Variants in TECPR2 observed in about 807,000 individuals in gnomAD.
The protein encoded by TECPR2 is tectonin beta-propeller repeat-containing protein 2.
A neutral mutation model predicts 138.1 loss-of-function variants in TECPR2; 65 were observed. The observed-to-expected ratio is 0.47, with a 90% CI of 0.39 to 0.58. The LOEUF (loss-of-function observed/expected upper bound fraction) is 0.58, where lower values mean the gene tolerates loss of function less well. Among genes scored for constraint, TECPR2 ranks in the 20% least tolerant of loss-of-function variants. The probability of loss-of-function intolerance (pLI) is 0.00; values close to 1 mark genes in which losing one functional copy is unlikely to be tolerated. For synonymous variants in TECPR2, 746 were observed against 749.8 expected (o/e 0.99, Z 0.08); for missense variants, 1,553 against 1,824.5 (o/e 0.85, Z 2.71).
intron 16 of TECPR2, among the ~76,000 whole-genome samples, chr14:102,458,993 AAT>A (rs1890342575): frequency 6.9e-6 from 1 of 145,270 alleles, no homozygotes; most frequent in Non-Finnish European, 1.5e-5. Context: ...ATATATATGT[AAT>A]TTTAGTTTGA....
At position 102,497,115 on chromosome 14, in the gene TECPR2, T is replaced by TGCCAGGTAGGAGCCTGC. The variant is rs767823046; in HGVS notation, c.3927_3931+12dup. 4 of 1,610,914 alleles carry TGCCAGGTAGGAGCCTGC rather than the reference T, an allele frequency of 2.5e-6. No homozygotes were observed. In the East Asian group the frequency reaches 8.9e-5, roughly 36 times the overall value. On this transcript the variant is annotated frameshift_variant, in exon 18 of 20. Coordinates refer to ENST00000359520, the MANE Select transcript of TECPR2 (RefSeq NM_014844.5). LOFTEE classifies it high-confidence loss of function. ...CCTGTGGGGACCGCCTGGGAGCATG[T>TGCCAGGTAGGAGCCTGC]GCCAGGTAGGAGCCTGCAGACAGGG...
intron 1 of TECPR2, among the ~76,000 whole-genome samples, chr14:102,369,990 C>A (rs1452264110): frequency 6.6e-6 from 1 of 151,942 alleles, no homozygotes; most frequent in Non-Finnish European, 1.5e-5. Context: ...AACAAACAAA[C>A]CCTTGGGCTC....
chr14:102,487,819 G>A (rs1891065592), intron 17 of TECPR2, among the ~76,000 whole-genome samples: 1 of 150,862 alleles, frequency 6.6e-6, no homozygotes, highest in Non-Finnish European at 1.5e-5. Context: ...GGGATTACAG[G>A]CGTGAGCCAC....
chr14:102,369,917 T>C (rs2139648894), intron 1 of TECPR2, among the ~76,000 whole-genome samples: 1 of 151,866 alleles, frequency 6.6e-6, no homozygotes, highest in East Asian at 2.0e-4. Flanking sequence ...ATCGCATCAC[T>C]GTACTCCAGC....
chr14:102,478,010 A>G (rs1890805808), intron 17 of TECPR2, among the ~76,000 whole-genome samples: 1 of 147,436 alleles, frequency 6.8e-6, no homozygotes, highest in African/African-American at 2.5e-5. Context: ...CCCACCTCCC[A>G]AAGTGCTGGG....
chr14:102,387,164 T>A (rs558935679), intron 2 of TECPR2, among the ~76,000 whole-genome samples: 69 of 152,346 alleles, frequency 4.5e-4, no homozygotes, highest in African/African-American at 1.6e-3. Context: ...TGTTTTTAAA[T>A]GAAGTTATGT....
intron 17 of TECPR2, among the ~76,000 whole-genome samples, chr14:102,496,367 C>T (rs1049024041): frequency 1.3e-5 from 2 of 152,230 alleles, no homozygotes; most frequent in African/African-American, 2.4e-5. Flanking sequence ...TGCCGGTGGA[C>T]AGCAAACAGG....
intron 13 of TECPR2, 56 bp from the exon 14 acceptor site, chr14:102,449,573 A>T: frequency 6.2e-7 from 1 of 1,601,780 alleles, no homozygotes; most frequent in Non-Finnish European, 8.5e-7. Context: ...CAAGGCAGAG[A>T]GTCTACACTT....
At chr14:102,424,581 G>A (rs902562819) in intron 5 of TECPR2, among the ~76,000 whole-genome samples, 3 of 152,198 alleles carry the variant, frequency 2.0e-5, no homozygotes, top group African/African-American at 4.8e-5. Flanking sequence ...ATGATCTGCC[G>A]TCTTGGCCTC....
At chr14:102,407,232 G>A in intron 2 of TECPR2, 106 bp from the exon 3 acceptor site, 1 of 1,393,144 alleles carries the variant, frequency 7.2e-7, no homozygotes, top group East Asian at 2.5e-5. Flanking sequence ...AATATGTATG[G>A]ACTGCAGCCT....
chr14:102,383,643 A>G (rs1015174584), intron 2 of TECPR2, among the ~76,000 whole-genome samples: 3 of 151,666 alleles, frequency 2.0e-5, no homozygotes, highest in Non-Finnish European at 4.4e-5. Flanking sequence ...CCTGATCGCA[A>G]GTGATCCACT....
chr14:102,402,415 T>C (rs1208380664), intron 2 of TECPR2, among the ~76,000 whole-genome samples: 1 of 152,136 alleles, frequency 6.6e-6, no homozygotes, highest in Admixed American at 6.5e-5. Flanking sequence ...GAGAAATTTA[T>C]AGCTTTAAAT....
chr14:102,496,424 C>T (rs549305274), intron 17 of TECPR2, among the ~76,000 whole-genome samples: 3 of 152,324 alleles, frequency 2.0e-5, no homozygotes, highest in East Asian at 1.9e-4. Context: ...GACAAAGGAC[C>T]GGAGATGCTG....
intron 19 of TECPR2, among the ~76,000 whole-genome samples, 187 bp from the exon 20 acceptor site, chr14:102,497,916 G>A (rs775400143): frequency 6.6e-6 from 1 of 151,924 alleles, no homozygotes; most frequent in Non-Finnish European, 1.5e-5. Flanking sequence ...TCCTGGGCAA[G>A]GACAAGGTGC....
intron 4 of TECPR2, 85 bp from the exon 5 acceptor site, chr14:102,414,551 G>T (rs1888969670): frequency 6.5e-7 from 1 of 1,530,324 alleles, no homozygotes; most frequent in South Asian, 1.2e-5. Flanking sequence ...AGCACAGCTA[G>T]CGGGAAGGAC....
At chr14:102,442,766 G>A (rs1889868786) in intron 11 of TECPR2, among the ~76,000 whole-genome samples, 1 of 152,236 alleles carries the variant, frequency 6.6e-6, no homozygotes, top group Non-Finnish European at 1.5e-5. Flanking sequence ...AGGTGCGTCT[G>A]TGATTAGTCA....
At chr14:102,437,925 C>A in intron 9 of TECPR2, 97 bp from the exon 10 acceptor site, 3 of 1,393,818 alleles carry the variant, frequency 2.2e-6, no homozygotes, top group Non-Finnish European at 2.9e-6. Context: ...TTTACCGTCT[C>A]GTGTTAATGA....
At position 102,376,717 on chromosome 14, in the gene TECPR2, T is replaced by G. The variant is rs1442816405; in HGVS notation, c.-5T>G. ...GCGTGAAGATAGTCTGTGGAAACCT[T>G]GGCCATGGCATCGATATCAGAGCCT... On this transcript the variant is annotated 5_prime_UTR_variant, in exon 2 of 20. Transcript: ENST00000359520. The G allele has an allele frequency of 9.3e-6, 15 of 1,614,032 alleles. No individual in the cohort carries two copies. The highest frequency in any genetic ancestry group is 1.3e-5 in the Non-Finnish European group (15 of 1,179,854).
At chr14:102,366,618 A>G (rs1479829723) in intron 1 of TECPR2, among the ~76,000 whole-genome samples, 1 of 152,212 alleles carries the variant, frequency 6.6e-6, no homozygotes, top group Non-Finnish European at 1.5e-5. Flanking sequence ...AAGTGCTGGG[A>G]TTACAGGCGT....
Sources: allele counts gnomAD v4.1 joint callset (sites outside exome capture counted in the v4.1 genomes callset), GRCh38; gene constraint gnomAD v4.1.1; transcripts MANE v1.5; gene names NCBI Gene and HGNC (gene_info 2026-07-23, HGNC 2026-07-21).